CDK14: variants seen among roughly 807,000 people sequenced by gnomAD.
CDK14 encodes the protein cyclin-dependent kinase 14.
CDK14 carries 34 observed loss-of-function variants against 60.7 expected under a neutral mutation model. The observed-to-expected ratio is 0.56, with a 90% CI of 0.43 to 0.75. The LOEUF (loss-of-function observed/expected upper bound fraction) is 0.75, where lower values mean the gene tolerates loss of function less well. Among genes scored for constraint, CDK14 ranks in the 30% least tolerant of loss-of-function variants. The pLI, the probability that CDK14 is intolerant of heterozygous loss-of-function variation, is 0.00. For synonymous variants in CDK14, 197 were observed against 203.7 expected (o/e 0.97, Z 0.28); for missense variants, 482 against 564.1 (o/e 0.85, Z 1.47).
At chr7:90,856,149 A>G (rs1463280723) in intron 5 of CDK14, among the ~76,000 whole-genome samples, 2 of 152,178 alleles carry the variant, frequency 1.3e-5, no homozygotes, top group African/African-American at 2.4e-5. Context: ...TACCTTTCCA[A>G]TTTTGGATGA....
At position 91,079,434 on chromosome 7, in the gene CDK14, C is replaced by A. The variant is rs748125989; in HGVS notation, c.1108C>A (p.Arg370Ser). 9 of 1,580,494 alleles carry A rather than the reference C, an allele frequency of 5.7e-6. No individual in the cohort carries two copies. The Admixed American group carries it at 1.4e-4, about 25-fold the overall frequency. Residue 370 changes from arginine (R) to serine (S), a missense_variant and splice_region_variant, in exon 12 of 15, where the codon CGC (arginine) becomes AGC (serine). Physicochemically the swap from Arg to Ser is moderately radical, Grantham distance 110. Transcript: ENST00000380050. ...ATCATTTTTCTTTTTTATTTCAGAA[C>A]GCTTTACCCTGTACAGCTCTAAAAA... Reference protein sequence around the residue: ...VHSLPHFKPERFTLYSSKNLR... With the variant: ...VHSLPHFKPESFTLYSSKNLR...
intron 12 of CDK14, among the ~76,000 whole-genome samples, chr7:91,096,111 G>C (rs1050491599): frequency 1.4e-5 from 2 of 138,782 alleles, no homozygotes; most frequent in African/African-American, 5.4e-5. Context: ...ATAATCATCA[G>C]TGTGGCCAGC....
intron 2 of CDK14, among the ~76,000 whole-genome samples, chr7:90,646,689 A>G (rs920489463): frequency 3.9e-4 from 59 of 152,074 alleles, no homozygotes; most frequent in African/African-American, 1.4e-3. Flanking sequence ...TCTTCTTAGC[A>G]ATGTATATTG....
chr7:91,066,048 G>T (rs560668043), intron 11 of CDK14, among the ~76,000 whole-genome samples: 89 of 152,264 alleles, frequency 5.8e-4, no homozygotes, highest in Non-Finnish European at 9.1e-4. Flanking sequence ...TGTGGCCACG[G>T]CTTTTTGCTT....
intron 8 of CDK14, among the ~76,000 whole-genome samples, chr7:90,942,882 G>T (rs1793976944): frequency 6.6e-6 from 1 of 152,126 alleles, no homozygotes; most frequent in African/African-American, 2.4e-5. Context: ...CAAGAATAAA[G>T]AAACAGCCTC....
intron 8 of CDK14, among the ~76,000 whole-genome samples, chr7:90,939,024 A>G (rs1793834710): frequency 6.6e-6 from 1 of 152,206 alleles, no homozygotes; most frequent in Non-Finnish European, 1.5e-5. Context: ...TTATATTTCA[A>G]ATATGGTTTC....
At chr7:91,118,235 G>T in intron 14 of CDK14, 27 bp downstream of exon 14, 1 of 1,057,814 alleles carries the variant, frequency 9.5e-7, no homozygotes, top group South Asian at 1.3e-5. Flanking sequence ...TACCTGGAAA[G>T]TAATATTTAA....
Position 90,911,858 on chromosome 7 carries a change from A to G in CDK14, c.703-5743A>G, listed in dbSNP as rs578111766. ...TAATTAATTAATTTTACCCACTTAA[A>G]TTGTGAAGAGTTTCAGAAGGGAATA... On this transcript the variant is annotated intron_variant, in intron 7 of 14. Transcript: ENST00000380050. 2.6e-5 allele frequency among the ~76,000 whole-genome samples: 4 copies of G among 152,276 alleles called. No individual in the cohort carries two copies. The South Asian group carries it at 8.3e-4, about 32-fold the overall frequency.
chr7:90,895,081 TC>T (rs1170787111), intron 6 of CDK14, among the ~76,000 whole-genome samples: 2 of 152,272 alleles, frequency 1.3e-5, no homozygotes, highest in East Asian at 3.9e-4. Context: ...TTTTCTGTAC[TC>T]TGGAATAACT....
intron 2 of CDK14, chr7:90,608,478 G>T (rs1471530505): frequency 3.9e-6 from 3 of 766,768 alleles, no homozygotes; most frequent in Non-Finnish European, 4.8e-6. Flanking sequence ...GTTCTCATGG[G>T]TAAATTAAAA....
At chr7:90,743,201 A>G (rs1803424232) in intron 3 of CDK14, among the ~76,000 whole-genome samples, 1 of 152,106 alleles carries the variant, frequency 6.6e-6, no homozygotes. Context: ...TGGGATACAT[A>G]TAGATAGTAA....
intron 14 of CDK14, among the ~76,000 whole-genome samples, chr7:91,122,779 C>G (rs1397749644): frequency 6.6e-6 from 1 of 152,180 alleles, no homozygotes; most frequent in Non-Finnish European, 1.5e-5. Flanking sequence ...TTCAAACCCT[C>G]CCAGAGAGTG....
At chr7:90,695,862 G>A (rs76645271) in intron 2 of CDK14, among the ~76,000 whole-genome samples, 10,995 of 152,148 alleles carry the variant, frequency 0.072, 537 homozygotes, top group East Asian at 0.19. Flanking sequence ...TGGGGGAGAA[G>A]GTCAGAGAGG....
At chr7:91,152,751 A>G (rs1800860433) in intron 14 of CDK14, among the ~76,000 whole-genome samples, 1 of 152,222 alleles carries the variant, frequency 6.6e-6, no homozygotes, top group South Asian at 2.1e-4. Context: ...GTGTGAAAAA[A>G]TATGATGTAG....
intron 12 of CDK14, among the ~76,000 whole-genome samples, chr7:91,093,417 C>G (rs1408634926): frequency 6.6e-6 from 1 of 152,118 alleles, no homozygotes; most frequent in Admixed American, 6.6e-5. Flanking sequence ...AGAAAAAGGA[C>G]AAACAGAGTG....
intron 5 of CDK14, among the ~76,000 whole-genome samples, chr7:90,810,115 T>A (rs1396398115): frequency 6.6e-6 from 1 of 152,218 alleles, no homozygotes; most frequent in Admixed American, 6.5e-5. Flanking sequence ...CCTTAACTCA[T>A]TTTATGAGGC....
At chr7:91,145,063 C>CATG (rs1334181527) in intron 14 of CDK14, among the ~76,000 whole-genome samples, 27 of 152,286 alleles carry the variant, frequency 1.8e-4, no homozygotes, top group Admixed American at 1.5e-3. Context: ...TGAGTTAAGC[C>CATG]ATGAGTGTTT....
chr7:90,744,573 C>T (rs1350878180), intron 3 of CDK14, among the ~76,000 whole-genome samples: 1 of 150,110 alleles, frequency 6.7e-6, no homozygotes, highest in Non-Finnish European at 1.5e-5. Context: ...CTCCTCACTT[C>T]CCAGTAGGGG....
At chr7:91,198,721 C>T (rs565457693) in intron 14 of CDK14, among the ~76,000 whole-genome samples, 124 of 152,216 alleles carry the variant, frequency 8.1e-4, no homozygotes, top group Non-Finnish European at 1.4e-3. Context: ...TGCATGTTTC[C>T]GCTAAATAAG....
Sources: gnomAD v4.1 joint callset for allele counts (sites outside exome capture counted in the v4.1 genomes callset) on GRCh38, gnomAD v4.1.1 for gene constraint, MANE v1.5 for transcripts, NCBI Gene and HGNC (gene_info 2026-07-23, HGNC 2026-07-21) for gene names.